The following CTDSPL variants were observed in gnomAD, a reference collection of about 807,000 sequenced individuals.
CTDSPL encodes the protein CTD small phosphatase like, also known as CTD small phosphatase-like protein.
CTDSPL carries 8 observed loss-of-function variants against 30.5 expected under a neutral mutation model. That is an observed-to-expected ratio of 0.26 (90% CI 0.15 to 0.47). The LOEUF (loss-of-function observed/expected upper bound fraction) is 0.47, where lower values mean the gene tolerates loss of function less well. Ranked by LOEUF, CTDSPL falls within the 20% of genes least tolerant of loss-of-function variation. The pLI is 0.99. For missense variants in CTDSPL, 248 were observed against 366.1 expected (o/e 0.68, Z 2.63); for synonymous variants, 110 against 137.9 (o/e 0.80, Z 1.42).
chr3:37,881,314 A>T (rs1023305538), intron 1 of CTDSPL, among the ~76,000 whole-genome samples: 3 of 152,138 alleles, frequency 2.0e-5, no homozygotes, highest in African/African-American at 7.2e-5. Flanking sequence ...AGATCGCTTG[A>T]GGTTAGGAGC....
chr3:37,886,332 C>G (rs1191224780), intron 1 of CTDSPL, among the ~76,000 whole-genome samples: 1 of 152,152 alleles, frequency 6.6e-6, no homozygotes, highest in African/African-American at 2.4e-5. Context: ...CCTCCCGACC[C>G]ACTTCCCTCA....
At chr3:37,946,017 A>G (rs1467042491) in intron 1 of CTDSPL, among the ~76,000 whole-genome samples, 1 of 152,220 alleles carries the variant, frequency 6.6e-6, no homozygotes, top group African/African-American at 2.4e-5. Context: ...TCCAACAGTT[A>G]TCATGTGGAC....
chr3:37,878,212 A>AT (rs917596168), intron 1 of CTDSPL, among the ~76,000 whole-genome samples: 8 of 151,754 alleles, frequency 5.3e-5, no homozygotes, highest in African/African-American at 1.2e-4. Flanking sequence ...CCAGTTTATC[A>AT]TTTTTTTTCT....
rs541149612 is a variant in CTDSPL, at chr3:37,928,671, T to G, written c.80-18386T>G. On this transcript the variant is annotated intron_variant, in intron 1 of 7. Transcript: ENST00000273179. ...TTCTGCATTGTAAGGGTTCTTTATA[T>G]TTTTTTGGATACTCTTTTATTGGAT... 3.9e-5 allele frequency among the ~76,000 whole-genome samples: 6 copies of G among 152,272 alleles called. No individual in the cohort carries two copies. In the South Asian group the frequency reaches 1.2e-3, roughly 32 times the overall value.
At chr3:37,888,262 C>A (rs764950215) in intron 1 of CTDSPL, among the ~76,000 whole-genome samples, 1 of 152,136 alleles carries the variant, frequency 6.6e-6, no homozygotes, top group Non-Finnish European at 1.5e-5. Flanking sequence ...TTTCTTATTC[C>A]TTGATAATGT....
Position 37,983,870 on chromosome 3 carries a change from C to T in CTDSPL, c.*3003C>T, listed in dbSNP as rs1207501851. ...GTTGATGGTGAGGAAGCTCCTTTGACGTGGTGCAATTTTGATGAGATGTCT... is the reference window on the plus strand; with the variant it reads ...GTTGATGGTGAGGAAGCTCCTTTGATGTGGTGCAATTTTGATGAGATGTCT... On this transcript the variant is annotated 3_prime_UTR_variant, in exon 8 of 8. Transcript: ENST00000273179. 1.1e-5 allele frequency: 2 copies of T among 175,678 alleles called. No individual in the cohort carries two copies. The highest frequency in any genetic ancestry group is 5.5e-5 in the Admixed American group (1 of 18,244). 10.9% of individuals were successfully genotyped at this position (175,678 alleles called of 1,614,324 possible). A position where few individuals can be genotyped will look rare whatever the true frequency, so the allele number is the denominator to read the frequency against.
chr3:37,863,393 TG>T (rs1697968567), intron 1 of CTDSPL, among the ~76,000 whole-genome samples: 1 of 152,234 alleles, frequency 6.6e-6, no homozygotes. Flanking sequence ...CTTAGAGACT[TG>T]GCGTGTCCCC....
At chr3:37,923,779 C>A (rs989538397) in intron 1 of CTDSPL, among the ~76,000 whole-genome samples, 1 of 151,440 alleles carries the variant, frequency 6.6e-6, no homozygotes, top group South Asian at 2.1e-4. Flanking sequence ...TCTAAGTATT[C>A]CTTGCTTTTC....
intron 3 of CTDSPL, among the ~76,000 whole-genome samples, chr3:37,961,710 T>A (rs1490995347): frequency 6.6e-6 from 1 of 152,218 alleles, no homozygotes; most frequent in African/African-American, 2.4e-5. Context: ...CCTCCTGCGT[T>A]AGGCCCTGAC....
chr3:37,937,634 T>C (rs1698931333), intron 1 of CTDSPL, among the ~76,000 whole-genome samples: 1 of 150,510 alleles, frequency 6.6e-6, no homozygotes, highest in South Asian at 2.1e-4. Context: ...ACACCAGTGC[T>C]AAATGGAATG....
At chr3:37,924,247 T>C (rs1698754576) in intron 1 of CTDSPL, among the ~76,000 whole-genome samples, 1 of 152,186 alleles carries the variant, frequency 6.6e-6, no homozygotes, top group African/African-American at 2.4e-5. Flanking sequence ...ATGATGAAAA[T>C]AAATTTTTCT....
intron 1 of CTDSPL, among the ~76,000 whole-genome samples, chr3:37,864,663 G>A (rs537534642): frequency 2.8e-4 from 43 of 152,060 alleles, no homozygotes; most frequent in Non-Finnish European, 4.6e-4. Context: ...CCAGTAAACC[G>A]GTTCAGCAAT....
chr3:37,964,382 A>C (rs1699276798), intron 3 of CTDSPL, among the ~76,000 whole-genome samples, 189 bp from the exon 4 acceptor site: 1 of 152,248 alleles, frequency 6.6e-6, no homozygotes. Context: ...CTAGGACTTC[A>C]TAGCAGTCAT....
intron 1 of CTDSPL, among the ~76,000 whole-genome samples, chr3:37,887,709 T>C (rs911069414): frequency 3.9e-5 from 6 of 152,184 alleles, no homozygotes; most frequent in African/African-American, 1.4e-4. Context: ...TCTTGAAAAC[T>C]GGGGTGAAAT....
intron 1 of CTDSPL, among the ~76,000 whole-genome samples, chr3:37,921,611 A>T (rs1249158885): frequency 2.6e-5 from 1 of 38,204 alleles, no homozygotes; most frequent in East Asian, 1.9e-3. Context: ...TAACTACCAC[A>T]CACACACACA....
intron 1 of CTDSPL, among the ~76,000 whole-genome samples, chr3:37,871,192 A>G (rs1364411415): frequency 6.6e-6 from 1 of 152,186 alleles, no homozygotes; most frequent in Non-Finnish European, 1.5e-5. Flanking sequence ...AGAACGTCAT[A>G]TACTTGGAAT....
At chr3:37,898,865 G>A (rs1698417947) in intron 1 of CTDSPL, among the ~76,000 whole-genome samples, 1 of 152,198 alleles carries the variant, frequency 6.6e-6, no homozygotes, top group Non-Finnish European at 1.5e-5. Context: ...TGTGTGGTCA[G>A]AGAAGCCTCA....
In CTDSPL at chr3:37,861,985, A is replaced by AGGCGGCGGCCGCTCGAGCCCAGC. The variant is rs1697944277; in HGVS notation, c.-205_-183dup. ...CGCGGCTCCGGGGTTCATGGTGACG[A>AGGCGGCGGCCGCTCGAGCCCAGC]GGCGGCGGCCGCTCGAGCCCAGCGG... On this transcript the variant is annotated 5_prime_UTR_variant, in exon 1 of 8. Transcript: ENST00000273179. 6.9e-6 allele frequency: 1 copy of AGGCGGCGGCCGCTCGAGCCCAGC among 144,826 alleles called. No homozygotes were observed. The highest frequency in any genetic ancestry group is 2.0e-4 in the South Asian group (1 of 4,964). 9.0% of individuals were successfully genotyped at this position (144,826 alleles called of 1,614,324 possible). A position where few individuals can be genotyped will look rare whatever the true frequency, so the allele number is the denominator to read the frequency against.
intron 1 of CTDSPL, among the ~76,000 whole-genome samples, chr3:37,867,624 G>A (rs1385546886): frequency 6.6e-6 from 1 of 152,152 alleles, no homozygotes; most frequent in Non-Finnish European, 1.5e-5. Context: ...AGCATTTGGT[G>A]TTGTCACTGT....
Sources: gnomAD v4.1 joint callset for allele counts (sites outside exome capture counted in the v4.1 genomes callset) on GRCh38, gnomAD v4.1.1 for gene constraint, MANE v1.5 for transcripts, NCBI Gene and HGNC (gene_info 2026-07-23, HGNC 2026-07-21) for gene names.